EBF1: variants seen among roughly 807,000 people sequenced by gnomAD.
EBF1 encodes EBF transcription factor 1, also known as transcription factor COE1.
A neutral mutation model predicts 68.4 loss-of-function variants in EBF1; 10 were observed. That is an observed-to-expected ratio of 0.15 (90% confidence interval 0.09 to 0.25). EBF1 has a LOEUF of 0.25. Ranked by LOEUF, EBF1 falls within the 10% of genes least tolerant of loss-of-function variation. The pLI is 1.00. For synonymous variants in EBF1, 298 were observed against 299.8 expected (o/e 0.99, Z 0.06); for missense variants, 509 against 794.4 (o/e 0.64, Z 4.32).
intron 2 of EBF1, 179 bp from the exon 3 acceptor site, chr5:159,096,585 C>A: frequency 1.5e-6 from 1 of 669,518 alleles, no homozygotes; most frequent in Non-Finnish European, 2.6e-6. Context: ...CTGTTCCTGA[C>A]TGCTCCCTCT....
intron 6 of EBF1, among the ~76,000 whole-genome samples, chr5:158,932,800 T>A (rs573212789): frequency 1.3e-5 from 2 of 152,324 alleles, no homozygotes; most frequent in East Asian, 3.9e-4. Context: ...AACACTCCTT[T>A]AAAAGTATCT....
chr5:159,063,573 G>C (rs1293123605), intron 6 of EBF1, among the ~76,000 whole-genome samples: 1 of 152,144 alleles, frequency 6.6e-6, no homozygotes, highest in Admixed American at 6.5e-5. Flanking sequence ...ATGAAGCCAG[G>C]AACTATGTTT....
intron 6 of EBF1, among the ~76,000 whole-genome samples, chr5:159,020,101 T>C (rs1299132969): frequency 4.6e-5 from 7 of 152,064 alleles, no homozygotes; most frequent in African/African-American, 1.7e-4. Context: ...CCCTGTTGCC[T>C]CCTATGTCAG....
intron 6 of EBF1, among the ~76,000 whole-genome samples, chr5:158,914,360 G>A (rs1038742791): frequency 6.6e-6 from 1 of 152,116 alleles, no homozygotes; most frequent in African/African-American, 2.4e-5. Context: ...TGCATGCGTG[G>A]TTTGTGCTTT....
At chr5:159,039,845 T>G (rs1770821519) in intron 6 of EBF1, among the ~76,000 whole-genome samples, 1 of 152,160 alleles carries the variant, frequency 6.6e-6, no homozygotes, top group South Asian at 2.1e-4. Context: ...AGACCACCAT[T>G]TCTAATAATG....
chr5:158,988,322 G>A (rs2127600920), intron 6 of EBF1, among the ~76,000 whole-genome samples: 2 of 151,948 alleles, frequency 1.3e-5, no homozygotes, highest in Middle Eastern at 3.4e-3. Flanking sequence ...ACCATGTCAG[G>A]CCATTCTCAC....
intron 10 of EBF1, among the ~76,000 whole-genome samples, chr5:158,753,504 T>C (rs1261751563): frequency 6.6e-6 from 1 of 152,110 alleles, no homozygotes; most frequent in Non-Finnish European, 1.5e-5. Context: ...AGTGGTCTGC[T>C]ACAACTAGCA....
At chr5:158,839,142 T>C (rs1236456929) in intron 7 of EBF1, among the ~76,000 whole-genome samples, 1 of 152,242 alleles carries the variant, frequency 6.6e-6, no homozygotes, top group Non-Finnish European at 1.5e-5. Context: ...TGAATTTGTT[T>C]GTGAGTCCTC....
chr5:158,830,066 G>T (rs1432089350), intron 7 of EBF1, among the ~76,000 whole-genome samples: 1 of 152,120 alleles, frequency 6.6e-6, no homozygotes, highest in Non-Finnish European at 1.5e-5. Context: ...CATCATAGGA[G>T]GTTCATAGGA....
At chr5:158,996,523 CT>C (rs1761450290) in intron 6 of EBF1, among the ~76,000 whole-genome samples, 1 of 152,122 alleles carries the variant, frequency 6.6e-6, no homozygotes, top group South Asian at 2.1e-4. Context: ...AAAATGTGAG[CT>C]TATTCTAAAT....
chr5:159,051,954 A>C (rs1410268881), intron 6 of EBF1, among the ~76,000 whole-genome samples: 1 of 152,200 alleles, frequency 6.6e-6, no homozygotes, highest in African/African-American at 2.4e-5. Context: ...TTACATACAA[A>C]TGTGTACACA....
At chr5:159,095,042 G>C (rs1181944601) in intron 4 of EBF1, among the ~76,000 whole-genome samples, 1 of 152,148 alleles carries the variant, frequency 6.6e-6, no homozygotes, top group African/African-American at 2.4e-5. Context: ...TGCCAAACTT[G>C]GAGGCAAAAG....
At chr5:158,991,285 G>A (rs2127609728) in intron 6 of EBF1, among the ~76,000 whole-genome samples, 1 of 152,184 alleles carries the variant, frequency 6.6e-6, no homozygotes, top group Non-Finnish European at 1.5e-5. Context: ...TGACATCATA[G>A]GCCATTGTTT....
At chr5:158,781,002 C>T (rs561294886) in intron 9 of EBF1, among the ~76,000 whole-genome samples, 1 of 152,296 alleles carries the variant, frequency 6.6e-6, no homozygotes, top group South Asian at 2.1e-4. Context: ...AAATATTCTT[C>T]TGAAACTCTG....
chr5:158,805,683 C>G (rs980389688), intron 8 of EBF1, among the ~76,000 whole-genome samples: 1 of 151,932 alleles, frequency 6.6e-6, no homozygotes, highest in African/African-American at 2.4e-5. Context: ...CTATTGAATT[C>G]TAGGAATCAT....
intron 5 of EBF1, among the ~76,000 whole-genome samples, chr5:159,081,182 T>C (rs1465131917): frequency 1.3e-5 from 2 of 152,002 alleles, no homozygotes; most frequent in African/African-American, 4.8e-5. Flanking sequence ...GGGGTCTCAC[T>C]ATGTTGCCCA....
At chr5:158,721,418 C>G (rs1043859267) in intron 11 of EBF1, among the ~76,000 whole-genome samples, 33 of 150,646 alleles carry the variant, frequency 2.2e-4, no homozygotes, top group African/African-American at 6.8e-4. Flanking sequence ...GTTATTGCCA[C>G]AATGGAAAAA....
intron 7 of EBF1, among the ~76,000 whole-genome samples, chr5:158,825,935 A>C (rs1786007011): frequency 6.6e-6 from 1 of 152,094 alleles, no homozygotes; most frequent in Non-Finnish European, 1.5e-5. Context: ...AAAAAAAAAA[A>C]AACACTGTGA....
chr5:158,901,877 G>C (rs1803434436), intron 6 of EBF1, among the ~76,000 whole-genome samples: 1 of 152,166 alleles, frequency 6.6e-6, no homozygotes, highest in Admixed American at 6.5e-5. Flanking sequence ...GATCACTTGA[G>C]GCCAGGGGTT....
Sources: allele counts gnomAD v4.1 joint callset (sites outside exome capture counted in the v4.1 genomes callset), GRCh38; gene constraint gnomAD v4.1.1; transcripts MANE v1.5; gene names NCBI Gene and HGNC (gene_info 2026-07-23, HGNC 2026-07-21).